The following ASCC3 variants were observed in gnomAD, a reference collection of about 807,000 sequenced individuals.
The protein encoded by ASCC3 is ASC-1 complex subunit P200.
Under a neutral mutation model 256.3 loss-of-function variants are expected in ASCC3, and 158 were observed. That is an observed-to-expected ratio of 0.62 (90% CI 0.54 to 0.70). The LOEUF is 0.70. Among genes scored for constraint, ASCC3 ranks in the 30% least tolerant of loss-of-function variants. The pLI, the probability that ASCC3 is intolerant of heterozygous loss-of-function variation, is 0.00. For missense variants in ASCC3, 2,259 were observed against 2,626.0 expected, an observed-to-expected ratio of 0.86 and a Z score of 3.05; for synonymous variants, 948 against 883.4, an observed-to-expected ratio of 1.07 and a Z score of -1.30.
chr6:100,528,367 T>C (rs1457375691), intron 37 of ASCC3, among the ~76,000 whole-genome samples: 1 of 152,224 alleles, frequency 6.6e-6, no homozygotes, highest in Non-Finnish European at 1.5e-5. Context: ...TTTGCAAATA[T>C]AGGAAGGTTG....
rs11299576 is a variant in ASCC3 at position 100,853,420 on chromosome 6, C to CTT, written c.242-4715_242-4714dup. On this transcript the variant is annotated intron_variant, in intron 3 of 41. Coordinates refer to ENST00000369162, the MANE Select transcript of ASCC3 (RefSeq NM_006828.4). The stretch of plus-strand genomic sequence containing the variant: ...TTGCATCCATAATTGATAAATATTC[C>CTT]TTTTTTTTTTTTTTTTTTTGAGACG... Among the ~76,000 whole-genome samples the CTT allele has an allele frequency of 2.8e-3, 362 of 127,644 alleles. 5 individuals are homozygous for CTT. Among genetic ancestry groups the CTT allele is most frequent in the Non-Finnish European group, 3.5e-3 (212 of 60,524 alleles). The allele number at this position is 127,644 out of a possible 152,430, so 83.7% of individuals were successfully genotyped here.
intron 8 of ASCC3, among the ~76,000 whole-genome samples, chr6:100,771,243 T>C (rs9390682): frequency 0.35 from 52,618 of 151,994 alleles, 10,753 homozygotes; most frequent in Middle Eastern, 0.53. Flanking sequence ...AAAAATGACT[T>C]GAAACCATAC....
At chr6:100,567,928 T>C (rs1015962511) in intron 36 of ASCC3, among the ~76,000 whole-genome samples, 2 of 152,190 alleles carry the variant, frequency 1.3e-5, no homozygotes, top group African/African-American at 4.8e-5. Context: ...ATTGCTGCGT[T>C]GTATAGTAGT....
At chr6:100,619,109 T>G (rs1773816772) in intron 30 of ASCC3, among the ~76,000 whole-genome samples, 1 of 152,348 alleles carries the variant, frequency 6.6e-6, no homozygotes, top group Admixed American at 6.5e-5. Context: ...TCAATGATGC[T>G]ATTTGTTCTA....
At chr6:100,680,717 A>G (rs1582685522) in intron 13 of ASCC3, among the ~76,000 whole-genome samples, 1 of 152,228 alleles carries the variant, frequency 6.6e-6, no homozygotes, top group Non-Finnish European at 1.5e-5. Flanking sequence ...AAATTCACAC[A>G]TCTAAATCTC....
At chr6:100,749,281 A>G (rs1780830906) in intron 10 of ASCC3, among the ~76,000 whole-genome samples, 2 of 152,062 alleles carry the variant, frequency 1.3e-5, no homozygotes, top group African/African-American at 4.8e-5. Context: ...ATCAAATGTC[A>G]CATAATATGA....
intron 13 of ASCC3, among the ~76,000 whole-genome samples, chr6:100,714,301 G>T (rs938193173): frequency 1.3e-5 from 2 of 151,960 alleles, no homozygotes; most frequent in African/African-American, 4.8e-5. Context: ...TTAATTTAAA[G>T]AAAGAATATT....
intron 3 of ASCC3, among the ~76,000 whole-genome samples, chr6:100,861,973 A>G (rs777014542): frequency 6.6e-6 from 1 of 152,174 alleles, no homozygotes; most frequent in Non-Finnish European, 1.5e-5. Context: ...TCAATATGTC[A>G]TTACATTTTT....
chr6:100,862,869 G>A (rs1426838500), intron 3 of ASCC3, among the ~76,000 whole-genome samples: 1 of 152,148 alleles, frequency 6.6e-6, no homozygotes, highest in Non-Finnish European at 1.5e-5. Context: ...TTTTTTAGCT[G>A]AGTTTAAAAT....
chr6:100,655,664 G>C, intron 17 of ASCC3, 35 bp downstream of exon 17: 1 of 1,600,206 alleles, frequency 6.2e-7, no homozygotes, highest in East Asian at 2.2e-5. Flanking sequence ...CAAAAAGAAG[G>C]TCTGAATTTT....
chr6:100,699,592 G>A (rs1172477875), intron 13 of ASCC3, among the ~76,000 whole-genome samples: 1 of 152,178 alleles, frequency 6.6e-6, no homozygotes, highest in African/African-American at 2.4e-5. Flanking sequence ...TTGGAACTGG[G>A]TAGCAGGCAG....
intron 34 of ASCC3, among the ~76,000 whole-genome samples, chr6:100,590,590 C>A (rs1422099707): frequency 6.6e-6 from 1 of 152,062 alleles, no homozygotes; most frequent in Non-Finnish European, 1.5e-5. Flanking sequence ...TATGCCCTAC[C>A]TCCCTTTTCC....
chr6:100,855,558 T>C (rs188193996), intron 3 of ASCC3, among the ~76,000 whole-genome samples: 3 of 152,348 alleles, frequency 2.0e-5, no homozygotes, highest in Admixed American at 2.0e-4. Context: ...AAAATGGACA[T>C]AAATATAACA....
Position 100,509,279 on chromosome 6 carries a change from T to C in ASCC3, c.*107A>G. On this transcript the variant is annotated 3_prime_UTR_variant, in exon 42 of 42. Transcript: ENST00000369162. ...CTGTCAATTTCCTGGATGGTTGAGG[T>C]TAGAAGTTGATTCTTTCAAGGCAAA... 6.8e-7 allele frequency: 1 copy of C among 1,467,580 alleles called. No individual in the cohort carries two copies. Among genetic ancestry groups the C allele is most frequent in the South Asian group, 1.1e-5 (1 of 87,354 alleles). The allele number at this position is 1,467,580 out of a possible 1,614,324, so 90.9% of individuals were successfully genotyped here.
At chr6:100,723,103 T>G (rs1779423068) in intron 11 of ASCC3, among the ~76,000 whole-genome samples, 1 of 151,772 alleles carries the variant, frequency 6.6e-6, no homozygotes, top group Non-Finnish European at 1.5e-5. Flanking sequence ...TTTTTGTTAA[T>G]GTGATAGAAC....
intron 4 of ASCC3, among the ~76,000 whole-genome samples, chr6:100,813,634 T>G (rs1262397724): frequency 6.6e-6 from 1 of 152,074 alleles, no homozygotes; most frequent in East Asian, 1.9e-4. Context: ...TGTTTGTGTG[T>G]GCGTGTATGT....
chr6:100,826,877 A>T (rs1355803038), intron 4 of ASCC3, among the ~76,000 whole-genome samples: 3 of 152,260 alleles, frequency 2.0e-5, no homozygotes, highest in Non-Finnish European at 2.9e-5. Flanking sequence ...ATACTTCCTA[A>T]TATTGTAGCT....
chr6:100,757,138 C>T (rs2172842), intron 10 of ASCC3, among the ~76,000 whole-genome samples: 148,200 of 152,228 alleles, frequency 0.97, 72,270 homozygotes, highest in East Asian at 1. Flanking sequence ...TATTCTAATA[C>T]ATGAGAATAA....
chr6:100,568,093 C>T (rs181874776), intron 36 of ASCC3, among the ~76,000 whole-genome samples: 118 of 151,980 alleles, frequency 7.8e-4, no homozygotes, highest in Middle Eastern at 3.4e-3. Flanking sequence ...CTGGGCTGGG[C>T]GTCTTGGCTC....
Sources: allele counts gnomAD v4.1 joint callset (sites outside exome capture counted in the v4.1 genomes callset), GRCh38; gene constraint gnomAD v4.1.1; transcripts MANE v1.5; gene names NCBI Gene and HGNC (gene_info 2026-07-23, HGNC 2026-07-21).